The following TFPI variants were observed in gnomAD, a reference collection of about 807,000 sequenced individuals.
TFPI encodes anti-convertin.
In TFPI, 15 loss-of-function variants were observed where a neutral mutation model predicts 34.6. The ratio of observed to expected loss-of-function variants is 0.43; its 90% CI spans 0.29 to 0.67. The LOEUF (loss-of-function observed/expected upper bound fraction) is 0.67, where lower values mean the gene tolerates loss of function less well. Ranked by LOEUF, TFPI falls within the 30% of genes least tolerant of loss-of-function variation. The pLI is 0.15. For missense variants in TFPI, 301 were observed against 364.0 expected (o/e 0.83, Z 1.41); for synonymous variants, 105 against 120.1 (o/e 0.87, Z 0.82).
At chr2:187,553,087 GCA>G (rs1689150954) in intron 1 of TFPI, among the ~76,000 whole-genome samples, 1 of 151,974 alleles carries the variant, frequency 6.6e-6, no homozygotes, top group Non-Finnish European at 1.5e-5. Context: ...AAATAATCAT[GCA>G]CTAGAATGAT....
chr2:187,522,514 G>A (rs1263150522), intron 1 of TFPI, among the ~76,000 whole-genome samples: 1 of 151,780 alleles, frequency 6.6e-6, no homozygotes, highest in African/African-American at 2.4e-5. Flanking sequence ...TAACAACATG[G>A]TATTTTGTGT....
intron 6 of TFPI, among the ~76,000 whole-genome samples, chr2:187,480,165 T>C (rs1692733939): frequency 6.6e-6 from 1 of 152,076 alleles, no homozygotes; most frequent in Non-Finnish European, 1.5e-5. Flanking sequence ...AGACTGTATA[T>C]TTACTGATGC....
intron 6 of TFPI, among the ~76,000 whole-genome samples, chr2:187,475,337 A>G (rs1692308800): frequency 2.0e-5 from 3 of 152,266 alleles, no homozygotes; most frequent in African/African-American, 7.2e-5. Flanking sequence ...CAAGTGCTAT[A>G]TATGTTATTT....
chr2:187,486,904 G>C (rs570226308), intron 4 of TFPI, among the ~76,000 whole-genome samples: 1 of 151,562 alleles, frequency 6.6e-6, no homozygotes, highest in African/African-American at 2.4e-5. Flanking sequence ...CTTTATAATG[G>C]TCCAATGCTA....
At chr2:187,540,775 C>T (rs1343255105) in intron 1 of TFPI, among the ~76,000 whole-genome samples, 1 of 151,034 alleles carries the variant, frequency 6.6e-6, no homozygotes, top group Admixed American at 6.6e-5. Context: ...CCTGTAGTCT[C>T]AGCTACTTGG....
chr2:187,499,154 A>T (rs8176438), intron 2 of TFPI, among the ~76,000 whole-genome samples: 1 of 151,894 alleles, frequency 6.6e-6, no homozygotes, highest in Non-Finnish European at 1.5e-5. Context: ...CTAACATTTC[A>T]TGTTGATGAA....
intron 6 of TFPI, among the ~76,000 whole-genome samples, chr2:187,479,587 A>ATATATATATATATG (rs1334522876): frequency 7.6e-6 from 1 of 131,180 alleles, no homozygotes; most frequent in Non-Finnish European, 1.6e-5. Flanking sequence ...ATATATATAT[A>ATATATATATATATG]TATGATTTAA....
intron 1 of TFPI, among the ~76,000 whole-genome samples, chr2:187,533,252 C>A (rs1182147483): frequency 1.3e-5 from 2 of 152,142 alleles, no homozygotes; most frequent in East Asian, 1.9e-4. Flanking sequence ...GTTCCTGACC[C>A]CCGTGCCTCC....
chr2:187,547,131 G>C (rs542842202), intron 1 of TFPI: 1 of 152,216 alleles, frequency 6.6e-6, no homozygotes, highest in Admixed American at 6.5e-5. Context: ...TCAACTTGTG[G>C]TATGGCAAAA....
chr2:187,498,630 C>T (rs1478397524), intron 2 of TFPI, among the ~76,000 whole-genome samples: 1 of 151,772 alleles, frequency 6.6e-6, no homozygotes, highest in Middle Eastern at 3.2e-3. Context: ...ACACTGCTTT[C>T]AATTTTTAAA....
At chr2:187,468,054 G>T in intron 6 of TFPI, 122 bp from the exon 7 acceptor site, 1 of 754,760 alleles carries the variant, frequency 1.3e-6, no homozygotes, top group Non-Finnish European at 1.9e-6. Flanking sequence ...TCTGAATAAA[G>T]GGGTATTTAA....
intron 1 of TFPI, chr2:187,514,811 T>C (rs1288905715): frequency 1.3e-5 from 2 of 152,220 alleles, no homozygotes; most frequent in Non-Finnish European, 1.5e-5. Context: ...TTAGATGCAA[T>C]TGGAATCCAA....
At chr2:187,503,504 C>T in intron 2 of TFPI, 144 bp downstream of exon 2, 104 of 761,250 alleles carry the variant, frequency 1.4e-4, no homozygotes, top group Non-Finnish European at 1.8e-4. Context: ...CACACACATA[C>T]ATTAGGTATA....
chr2:187,540,839 T>A (rs892545068), intron 1 of TFPI, among the ~76,000 whole-genome samples: 2 of 139,992 alleles, frequency 1.4e-5, no homozygotes, highest in African/African-American at 2.7e-5. Context: ...TGTAGTGAGC[T>A]GAGATTGTGT....
chr2:187,508,964 C>T (rs571525401), intron 1 of TFPI, among the ~76,000 whole-genome samples: 31 of 152,118 alleles, frequency 2.0e-4, no homozygotes, highest in South Asian at 1.5e-3. Flanking sequence ...TTTTGAGATA[C>T]GTTCCATCAA....
At chr2:187,549,160 C>T (rs1303709369) in intron 1 of TFPI, among the ~76,000 whole-genome samples, 1 of 151,948 alleles carries the variant, frequency 6.6e-6, no homozygotes, top group Non-Finnish European at 1.5e-5. Flanking sequence ...ACATCAAATT[C>T]CAGTGCTAAT....
chr2:187,478,491 G>A (rs1462541635), intron 6 of TFPI: 14 of 841,006 alleles, frequency 1.7e-5, no homozygotes, highest in Middle Eastern at 4.0e-4. Flanking sequence ...CCGGTCAAAA[G>A]ACTCACAACT....
intron 1 of TFPI, chr2:187,529,534 T>G (rs926013844): frequency 6.6e-6 from 1 of 152,222 alleles, no homozygotes; most frequent in Admixed American, 6.5e-5. Flanking sequence ...TAAGGCCTTC[T>G]TTAAGGCCAT....
At chr2:187,496,797 A>C in intron 3 of TFPI, 84 bp downstream of exon 3, 1 of 1,222,892 alleles carries the variant, frequency 8.2e-7, no homozygotes, top group South Asian at 1.5e-5. Context: ...GCATGAAATT[A>C]CTTTTCTCCC....
Sources: allele counts gnomAD v4.1 joint callset (sites outside exome capture counted in the v4.1 genomes callset), GRCh38; gene constraint gnomAD v4.1.1; transcripts MANE v1.5; gene names NCBI Gene and HGNC (gene_info 2026-07-23, HGNC 2026-07-21).